Variants in CDH13 observed in about 807,000 individuals in gnomAD.
The protein encoded by CDH13 is cadherin-13.
CDH13 carries 24 observed loss-of-function variants against 63.8 expected under a neutral mutation model. That is an observed-to-expected ratio of 0.38 (90% CI 0.27 to 0.53). The LOEUF is 0.53. Ranked by LOEUF, CDH13 falls within the 20% of genes least tolerant of loss-of-function variation. The probability of loss-of-function intolerance (pLI) is 0.85; values close to 1 mark genes in which losing one functional copy is unlikely to be tolerated. For missense variants in CDH13, 1,049 were observed against 903.1 expected (o/e 1.16, Z -2.07); for synonymous variants, 503 against 355.3 (o/e 1.42, Z -4.67).
intron 1 of CDH13, among the ~76,000 whole-genome samples, chr16:82,808,608 A>T (rs561744816): frequency 2.0e-5 from 3 of 152,152 alleles, no homozygotes; most frequent in Admixed American, 6.6e-5. Context: ...AAAAATAGTT[A>T]TTTATTTTTT....
chr16:83,232,227 T>TTTTA (rs3049884), intron 5 of CDH13, among the ~76,000 whole-genome samples: 28,748 of 69,728 alleles, frequency 0.41, 6,298 homozygotes, highest in East Asian at 0.55. Context: ...TTTTTTTTTT[T>TTTTA]AAAAAAAAAA....
At chr16:83,483,848 G>A (rs1016247237) in intron 6 of CDH13, among the ~76,000 whole-genome samples, 4 of 152,150 alleles carry the variant, frequency 2.6e-5, no homozygotes, top group African/African-American at 9.7e-5. Flanking sequence ...GACTGTGAGT[G>A]GCTGCCTAGA....
chr16:83,075,985 G>A (rs2032807205), intron 3 of CDH13, among the ~76,000 whole-genome samples: 1 of 152,176 alleles, frequency 6.6e-6, no homozygotes, highest in Non-Finnish European at 1.5e-5. Flanking sequence ...GGAATGAGAG[G>A]GGAAAATAAT....
chr16:83,189,685 A>G (rs907566283), intron 4 of CDH13, among the ~76,000 whole-genome samples: 20 of 152,170 alleles, frequency 1.3e-4, no homozygotes, highest in Admixed American at 7.9e-4. Context: ...TTGGTCAAAG[A>G]AGCTGGTCAC....
At chr16:83,471,200 T>G (rs2073443346) in intron 6 of CDH13, among the ~76,000 whole-genome samples, 1 of 151,868 alleles carries the variant, frequency 6.6e-6, no homozygotes, top group African/African-American at 2.4e-5. Context: ...CCCTGTAAGA[T>G]AACATGGTAA....
At chr16:83,203,056 C>G (rs149301551) in intron 4 of CDH13, among the ~76,000 whole-genome samples, 3,350 of 152,038 alleles carry the variant, frequency 0.022, 47 homozygotes, top group Middle Eastern at 0.062. Context: ...AGAAACCCAT[C>G]TCTACTGAAA....
chr16:83,293,931 C>A (rs912594740), intron 5 of CDH13, among the ~76,000 whole-genome samples: 1 of 152,088 alleles, frequency 6.6e-6, no homozygotes, highest in Non-Finnish European at 1.5e-5. Flanking sequence ...ATTTAACTCC[C>A]ATGATAACTT....
intron 6 of CDH13, among the ~76,000 whole-genome samples, chr16:83,357,962 C>G (rs2091088785): frequency 6.6e-6 from 1 of 152,118 alleles, no homozygotes; most frequent in Non-Finnish European, 1.5e-5. Context: ...TGTGTGTTAT[C>G]TCATTGACTT....
At chr16:83,782,278 C>G (rs1053224019) in intron 12 of CDH13, among the ~76,000 whole-genome samples, 2 of 152,120 alleles carry the variant, frequency 1.3e-5, no homozygotes, top group African/African-American at 4.8e-5. Context: ...AAGAATAGGC[C>G]AGCTGGTGCA....
chr16:83,587,001 G>A (rs1370209649), intron 7 of CDH13, among the ~76,000 whole-genome samples: 1 of 152,156 alleles, frequency 6.6e-6, no homozygotes, highest in Non-Finnish European at 1.5e-5. Flanking sequence ...GAGTGGGTGG[G>A]TGTCATTTGC....
intron 3 of CDH13, among the ~76,000 whole-genome samples, chr16:83,105,754 T>G (rs2034732321): frequency 6.6e-6 from 1 of 152,222 alleles, no homozygotes; most frequent in Non-Finnish European, 1.5e-5. Context: ...TCATCTAACC[T>G]GTACTGAAGA....
At chr16:83,415,552 G>T (rs995352259) in intron 6 of CDH13, among the ~76,000 whole-genome samples, 2 of 152,124 alleles carry the variant, frequency 1.3e-5, no homozygotes, top group African/African-American at 4.8e-5. Flanking sequence ...AGCACATTAA[G>T]AGGATCACAG....
rs146106016 is a variant in CDH13 at position 82,839,239 on chromosome 16, G to A, written c.46-19123G>A. Among the ~76,000 whole-genome samples the A allele has an allele frequency of 7.8e-3, 1,182 of 152,194 alleles. 26 individuals carry two copies. Among genetic ancestry groups the A allele is most frequent in the East Asian group, 0.01 (54 of 5,164 alleles). ...CTCAGGGAGCCCCCTCCATGTGGCC[G>A]CGTCTTTTGGGTCTGGAAATTGTTT... is the stretch of plus-strand genomic sequence containing the variant. On this transcript the variant is annotated intron_variant, in intron 1 of 13. Transcript: ENST00000567109.
At chr16:82,810,036 C>G (rs2037362978) in intron 1 of CDH13, among the ~76,000 whole-genome samples, 1 of 152,210 alleles carries the variant, frequency 6.6e-6, no homozygotes, top group South Asian at 2.1e-4. Context: ...CGCCCGGTGC[C>G]TTAGCACGCT....
intron 4 of CDH13, among the ~76,000 whole-genome samples, chr16:83,151,918 C>T (rs567691655): frequency 6.6e-5 from 10 of 150,986 alleles, no homozygotes; most frequent in South Asian, 2.1e-4. Context: ...GCCAAGATCG[C>T]GCCATTGCGC....
intron 2 of CDH13, among the ~76,000 whole-genome samples, chr16:82,887,586 C>G (rs1472289295): frequency 1.3e-5 from 2 of 152,040 alleles, no homozygotes; most frequent in African/African-American, 4.8e-5. Context: ...TTTGGGAGGC[C>G]AAGGTGGGCA....
At chr16:82,730,189 C>T (rs117379040) in intron 1 of CDH13, among the ~76,000 whole-genome samples, 2,127 of 152,304 alleles carry the variant, frequency 0.014, 31 homozygotes, top group Non-Finnish European at 0.018. Flanking sequence ...CTTTCTTTTG[C>T]ATTCACAACT....
At chr16:83,272,933 C>T (rs942376073) in intron 5 of CDH13, among the ~76,000 whole-genome samples, 1 of 152,106 alleles carries the variant, frequency 6.6e-6, no homozygotes, top group African/African-American at 2.4e-5. Flanking sequence ...TTTCCATTTC[C>T]ATTTCTAATT....
At chr16:83,134,056 G>C (rs2036168635) in intron 4 of CDH13, among the ~76,000 whole-genome samples, 1 of 152,142 alleles carries the variant, frequency 6.6e-6, no homozygotes, top group African/African-American at 2.4e-5. Flanking sequence ...TTTGTTGTTA[G>C]AATGGAATTA....
Sources: allele counts gnomAD v4.1 joint callset (sites outside exome capture counted in the v4.1 genomes callset), GRCh38; gene constraint gnomAD v4.1.1; transcripts MANE v1.5; gene names NCBI Gene and HGNC (gene_info 2026-07-23, HGNC 2026-07-21).